Variants in SYNE1 observed in about 807,000 individuals in gnomAD.
The protein encoded by SYNE1 is spectrin repeat containing nuclear envelope protein 1.
Under a neutral mutation model 1,111.0 loss-of-function variants are expected in SYNE1, and 616 were observed. The observed-to-expected ratio is 0.55, with a 90% confidence interval of 0.52 to 0.59. The LOEUF is 0.59. SYNE1 is among the 20% of genes least tolerant of loss of function. The pLI, the probability that SYNE1 is intolerant of heterozygous loss-of-function variation, is 0.00. For missense variants in SYNE1, 10,006 were observed against 10,417.0 expected, an observed-to-expected ratio of 0.96 and a Z score of 1.72; for synonymous variants, 3,855 against 3,825.8, an observed-to-expected ratio of 1.01 and a Z score of -0.28.
chr6:152,399,904 C>T, intron 47 of SYNE1, 81 bp from the exon 48 acceptor site: 3 of 1,470,980 alleles, frequency 2.0e-6, no homozygotes, highest in South Asian at 2.3e-5. Flanking sequence ...TACTGTTTTA[C>T]AATCTGAAAT....
chr6:152,510,146 T>A, intron 8 of SYNE1, 47 bp downstream of exon 8: 2 of 1,584,772 alleles, frequency 1.3e-6, no homozygotes, highest in Non-Finnish European at 1.7e-6. Flanking sequence ...GTAACATTCA[T>A]AACTCAATTT....
At chr6:152,469,098 T>TG (rs2098789523) in intron 16 of SYNE1, among the ~76,000 whole-genome samples, 2 of 151,982 alleles carry the variant, frequency 1.3e-5, no homozygotes, top group Admixed American at 1.3e-4. Flanking sequence ...TGGGGGAGTG[T>TG]GGGGGGTGTA....
chr6:152,188,957 CAAAAAAAAAAAAAAAAAAA>C (rs1159424311), intron 128 of SYNE1, among the ~76,000 whole-genome samples: 1 of 49,086 alleles, frequency 2.0e-5, no homozygotes, highest in East Asian at 9.6e-4. Flanking sequence ...GACTCTGTCT[CAAAAAAAAAAAAAAAAAAA>C]AAAAAAAAAT....
At chr6:152,256,802 T>A in intron 101 of SYNE1, 37 bp from the exon 102 acceptor site, 1 of 1,610,990 alleles carries the variant, frequency 6.2e-7, no homozygotes, top group South Asian at 1.1e-5. Context: ...GAAGAGCATA[T>A]GCATTATGTC....
rs893035148 is a variant in SYNE1 at position 152,472,217 on chromosome 6, AT to A, written c.1463+83del. The A allele has an allele frequency of 4.0e-5, 50 of 1,259,402 alleles. No individual in the cohort carries two copies. The African/African-American group carries it at 5.2e-4, about 13-fold the overall frequency. 78.0% of individuals were successfully genotyped at this position (1,259,402 alleles called of 1,614,324 possible). On this transcript the variant is annotated intron_variant, in intron 15 of 145. Transcript: ENST00000367255. ...AGGTAGGCGCCTCTGTTAAAAAAAAATCATGAAAAAATAAAAGAAATATAAA... is the reference window on the plus strand; with the variant it reads ...AGGTAGGCGCCTCTGTTAAAAAAAAACATGAAAAAATAAAAGAAATATAAA...
Position 152,350,258 on chromosome 6 carries a change from C to A in SYNE1, c.11811G>T (p.Trp3937Cys). 11 of 1,614,156 alleles carry A rather than the reference C, an allele frequency of 6.8e-6. No individual in the cohort carries two copies. Among genetic ancestry groups the A allele is most frequent in the Non-Finnish European group, 9.3e-6 (11 of 1,180,030 alleles). ...CCAGTCTGCCAGACATCTGCAGCAGCCACTTTTCGACCTCTTGGAGCTCAC... is the reference window on the plus strand; with the variant it reads ...CCAGTCTGCCAGACATCTGCAGCAGACACTTTTCGACCTCTTGGAGCTCAC... ...YNSELQEVEK[W>C]LLQMSGRLVA... Residue 3937 changes from tryptophan to cysteine, a missense_variant, in exon 72 of 146, where the codon TGG (tryptophan) becomes TGT (cysteine). Trp to Cys is a radical substitution (Grantham distance 215). Transcript: ENST00000367255.
At chr6:152,523,767 C>T (rs921420787) in intron 5 of SYNE1, among the ~76,000 whole-genome samples, 2 of 152,000 alleles carry the variant, frequency 1.3e-5, no homozygotes, top group African/African-American at 4.8e-5. Context: ...GATCTTTCAA[C>T]TCCTTGATTA....
chr6:152,175,019 C>A (rs938145463), intron 130 of SYNE1, among the ~76,000 whole-genome samples: 8 of 151,990 alleles, frequency 5.3e-5, no homozygotes, highest in African/African-American at 9.7e-5. Context: ...CATGGTGAAA[C>A]CCCATCTCTA....
intron 129 of SYNE1, among the ~76,000 whole-genome samples, chr6:152,177,570 C>A (rs9479234): frequency 0.022 from 3,323 of 152,148 alleles, 106 homozygotes; most frequent in African/African-American, 0.075. Context: ...GCCAAAGGGC[C>A]CCAGGGGAAT....
intron 63 of SYNE1, among the ~76,000 whole-genome samples, chr6:152,363,355 A>T (rs62426387): frequency 6.7e-6 from 1 of 148,558 alleles, no homozygotes; most frequent in Non-Finnish European, 1.5e-5. Context: ...TTAGCCGGGC[A>T]TGGTGGCGGG....
At chr6:152,399,494 A>G in intron 48 of SYNE1, 122 bp downstream of exon 48, 1 of 1,201,518 alleles carries the variant, frequency 8.3e-7, no homozygotes, top group Non-Finnish European at 1.2e-6. Context: ...CAAAGCACAA[A>G]CAAATTTGAA....
chr6:152,441,711 A>G (rs1049498663), intron 31 of SYNE1, among the ~76,000 whole-genome samples: 1 of 152,222 alleles, frequency 6.6e-6, no homozygotes, highest in African/African-American at 2.4e-5. Flanking sequence ...ATCCCAATAA[A>G]GCATAAAGGT....
In SYNE1 at chr6:152,310,858, A is replaced by G. The variant is rs373436725; in HGVS notation, c.16726T>C (p.Ser5576Pro). The change falls in exon 88 of 146, where the codon TCC becomes CCC. Residue 5576 changes from serine (S) to proline (P), a missense_variant. Physicochemically the swap from Ser to Pro is moderately conservative, Grantham distance 74. Transcript: ENST00000367255. ...TCCAGCTCACTGTCAATTTCTTTGG[A>G]TTCTTCTAGCAGGGTCTAGAGTGAA... Reference protein sequence around the residue: ...YILHQTLLEESKEIDSELEAM... With the variant: ...YILHQTLLEEPKEIDSELEAM... 6.8e-6 allele frequency: 11 copies of G among 1,613,726 alleles called. No homozygotes were observed. Among genetic ancestry groups the G allele is most frequent in the African/African-American group, 2.7e-5 (2 of 74,874 alleles).
At chr6:152,346,475 C>T (rs1428420647) in intron 73 of SYNE1, among the ~76,000 whole-genome samples, 1 of 152,048 alleles carries the variant, frequency 6.6e-6, no homozygotes, top group Non-Finnish European at 1.5e-5. Context: ...CCCAAATCAA[C>T]TTTTAACAAA....
At chr6:152,361,182 G>A (rs1711923554) in intron 64 of SYNE1, among the ~76,000 whole-genome samples, 1 of 152,212 alleles carries the variant, frequency 6.6e-6, no homozygotes, top group Non-Finnish European at 1.5e-5. Context: ...TGAAGATTGT[G>A]GCATGTTCAG....
Position 152,225,779 on chromosome 6 carries a change from C to T in SYNE1, c.21293G>A (p.Ser7098Asn). The change falls in exon 116 of 146, where the codon AGC becomes AAC. Residue 7098 changes from serine to asparagine, a missense_variant. Coordinates refer to ENST00000367255, the MANE Select transcript of SYNE1 (RefSeq NM_182961.4). ...LIQNKKEDVS[S>N]IVMSTLRELG... The stretch of plus-strand genomic sequence containing the variant: ...CTCTCGCAGTGTGCTCATGACAATG[C>T]TAGAGACGTCTTCTTTCTTGTTCTG... 1 of 1,614,098 alleles carries T rather than the reference C, an allele frequency of 6.2e-7. No homozygotes were observed. The highest frequency in any genetic ancestry group is 1.1e-5 in the South Asian group (1 of 91,082).
At chr6:152,377,739 T>A (rs1212222270) in intron 56 of SYNE1, among the ~76,000 whole-genome samples, 1 of 146,568 alleles carries the variant, frequency 6.8e-6, no homozygotes, top group Non-Finnish European at 1.5e-5. Flanking sequence ...ACATTAAAAA[T>A]TTCTTATAAT....
intron 111 of SYNE1, 82 bp downstream of exon 111, chr6:152,234,586 C>T (rs754756361): frequency 3.1e-5 from 48 of 1,561,870 alleles, no homozygotes; most frequent in Middle Eastern, 1.7e-4. Flanking sequence ...CCACCGCACC[C>T]GGCCTGACTT....
intron 142 of SYNE1, chr6:152,134,760 A>AGCCACCAAATATACTTTTGG: frequency 3.5e-6 from 1 of 283,952 alleles, no homozygotes; most frequent in South Asian, 3.9e-5. Context: ...TTTTACTACA[A>AGCCACCAAATATACTTTTGG]GCCACCAAAT....
Sources: allele counts gnomAD v4.1 joint callset (sites outside exome capture counted in the v4.1 genomes callset), GRCh38; gene constraint gnomAD v4.1.1; transcripts MANE v1.5; gene names NCBI Gene and HGNC (gene_info 2026-07-23, HGNC 2026-07-21).